CELA3A: variants seen among roughly 807,000 people sequenced by gnomAD.
CELA3A encodes the protein chymotrypsin like elastase 3A, also known as chymotrypsin-like elastase family member 3A.
Under a neutral mutation model 38.6 loss-of-function variants are expected in CELA3A, and 35 were observed. That is an observed-to-expected ratio of 0.91 (90% CI 0.69 to 1.20). The LOEUF (loss-of-function observed/expected upper bound fraction) is 1.20. Among genes scored for constraint, CELA3A ranks in the 50% most tolerant of loss-of-function variants. The pLI is 0.00. For synonymous variants in CELA3A, 143 were observed against 136.7 expected, an observed-to-expected ratio of 1.05 and a Z score of -0.32; for missense variants, 343 against 354.2, an observed-to-expected ratio of 0.97 and a Z score of 0.25.
In CELA3A at chr1:22,011,836, C is replaced by T. The variant is rs1275187610; in HGVS notation, c.796-614C>T. ...TTGGGAGGCCGAGGTGGGCAGATCA[C>T]GAGGTCAGGAGATTGAGACCATCCT... On this transcript the variant is annotated intron_variant, in intron 7 of 7. Coordinates refer to ENST00000290122, the MANE Select transcript of CELA3A (RefSeq NM_005747.5). 9.6e-5 allele frequency among the ~76,000 whole-genome samples: 12 copies of T among 124,874 alleles called. 3 individuals carry two copies. The highest frequency in any genetic ancestry group is 4.9e-4 in the South Asian group (2 of 4,058). 81.9% of individuals were successfully genotyped at this position (124,874 alleles called of 152,430 possible).
In CELA3A at chr1:22,007,392, C is replaced by G. The variant is rs1248236930; in HGVS notation, c.519C>G (p.Asp173Glu). The change falls in exon 6 of 8, where the codon GAC (aspartate) becomes GAG (glutamate). Residue 173 changes from aspartate (D) to glutamate (E), a missense_variant. Asp to Glu is a conservative substitution (Grantham distance 45). Transcript: ENST00000290122. The part of the protein sequence containing the change: ...GRLYTNGPLP[D>E]KLQQARLPVV... ...TTGCAGCCAATGGGCCACTCCCAGA[C>G]AAGCTGCAGCAGGCCCGGCTGCCCG... The G allele has an allele frequency of 6.2e-7, 1 of 1,611,850 alleles. No homozygotes were observed.
At chr1:22,007,240 G>A (rs1414691942) in intron 5 of CELA3A, 133 bp from the exon 6 acceptor site, 2 of 1,352,724 alleles carry the variant, frequency 1.5e-6, no homozygotes, top group Non-Finnish European at 2.0e-6. Context: ...CACAAAGCAT[G>A]CAGGACCATT....
Position 22,007,460 on chromosome 1 carries a change from C to T in CELA3A, c.587C>T (p.Ser196Phe), listed in dbSNP as rs868014817. ...KHCSRWNWWG[S>F]TVKKTMVCAG... ...TGCTCCAGGTGGAACTGGTGGGGTT[C>T]CACCGTGAAGAAAACCATGGTGTGT... Residue 196 changes from serine (S) to phenylalanine (F), a missense_variant, in exon 6 of 8, where the codon TCC becomes TTC. Physicochemically the swap from Ser to Phe is radical, Grantham distance 155. Transcript: ENST00000290122. 5 of 1,612,566 alleles carry T rather than the reference C, an allele frequency of 3.1e-6. No homozygotes were observed. The African/African-American group carries it at 4.0e-5, about 13-fold the overall frequency.
At chr1:22,003,538 A>G (rs976424695) in intron 2 of CELA3A, among the ~76,000 whole-genome samples, 7 of 150,792 alleles carry the variant, frequency 4.6e-5, no homozygotes, top group African/African-American at 1.7e-4. Flanking sequence ...AAATTAGGCC[A>G]GGTGCGGTGG....
Position 22,005,777 on chromosome 1 carries a change from C to A in CELA3A, c.343C>A (p.Arg115Ser). 1 of 1,611,668 alleles carries A rather than the reference C, an allele frequency of 6.2e-7. No homozygotes were observed. The highest frequency in any genetic ancestry group is 8.5e-7 in the Non-Finnish European group (1 of 1,179,512). ...GCTGTTTGTGCATCCACTCTGGAAC[C>A]GCTCGTGTGTGGCCTGTGGGTGAGT... is the stretch of plus-strand genomic sequence containing the variant. ...EELFVHPLWN[R>S]SCVACGNDIA... is the part of the protein sequence containing the mutation. The change falls in exon 4 of 8, where the codon CGC (arginine) becomes AGC (serine). Residue 115 changes from arginine to serine, a missense_variant. By Grantham distance (110) the Arg-to-Ser change is moderately radical (BLOSUM62 -1). Transcript: ENST00000290122.
chr1:22,005,778 G>A lies in CELA3A; in HGVS notation c.344G>A (p.Arg115His), dbSNP rs1249228840. 23 of 1,611,494 alleles carry A rather than the reference G, an allele frequency of 1.4e-5. No individual in the cohort carries two copies. Among genetic ancestry groups the A allele is most frequent in the Admixed American group, 8.3e-5 (5 of 59,960 alleles). The stretch of plus-strand genomic sequence containing the variant: ...CTGTTTGTGCATCCACTCTGGAACC[G>A]CTCGTGTGTGGCCTGTGGGTGAGTG... ...EELFVHPLWNRSCVACGNDIA... is the reference protein window; with the variant it reads ...EELFVHPLWNHSCVACGNDIA... Residue 115 changes from arginine to histidine, a missense_variant, in exon 4 of 8, where the codon CGC becomes CAC. By Grantham distance (29) the Arg-to-His change is conservative. Transcript: ENST00000290122.
At position 22,006,982 on chromosome 1, in the gene CELA3A, C is replaced by T. The variant is rs770464799; in HGVS notation, c.467C>T (p.Pro156Leu). The T allele has an allele frequency of 2.5e-6, 4 of 1,612,484 alleles. No homozygotes were observed. The highest frequency in any genetic ancestry group is 3.4e-6 in the Non-Finnish European group (4 of 1,179,474). ...PAGDILPNKT[P>L]CYITGWGRLY... ...GGTGACATCCTTCCCAACAAGACAC[C>T]CTGCTACATCACCGGCTGGGGCCGT... The change falls in exon 5 of 8, where the codon CCC (proline) becomes CTC (leucine). Residue 156 changes from proline (P) to leucine (L), a missense_variant. Coordinates refer to ENST00000290122, the MANE Select transcript of CELA3A (RefSeq NM_005747.5).
Position 22,012,164 on chromosome 1 carries a change from C to T in CELA3A, c.796-286C>T, listed in dbSNP as rs1557875407. On this transcript the variant is annotated intron_variant, in intron 7 of 7. Coordinates refer to ENST00000290122, the MANE Select transcript of CELA3A (RefSeq NM_005747.5). ...ATACACACAAATACGTATATATATA[C>T]ACACACACATATACACACACATGCA... Among the ~76,000 whole-genome samples, 2 of 128,060 alleles carry T rather than the reference C, an allele frequency of 1.6e-5. 1 individual carries two copies. Among genetic ancestry groups the T allele is most frequent in the Non-Finnish European group, 3.2e-5 (2 of 61,878 alleles). 84.0% of individuals were successfully genotyped at this position (128,060 alleles called of 152,430 possible). A position where few individuals can be genotyped will look rare whatever the true frequency, so the allele number is the denominator to read the frequency against.
chr1:22,002,590 G>C (rs1236703101), intron 1 of CELA3A: 4 of 456,130 alleles, frequency 8.8e-6, no homozygotes, highest in Non-Finnish European at 1.8e-5. Context: ...CGATCCTCCC[G>C]CCTCGGCCTC....
At chr1:22,005,404 G>A in intron 2 of CELA3A, 43 bp from the exon 3 acceptor site, 1 of 1,606,576 alleles carries the variant, frequency 6.2e-7, no homozygotes, top group Non-Finnish European at 8.5e-7. Flanking sequence ...AACTCTCATG[G>A]TGGGGCCCAG....
At chr1:22,007,544 G>C in intron 6 of CELA3A, 29 bp downstream of exon 6, 1 of 1,598,094 alleles carries the variant, frequency 6.3e-7, no homozygotes, top group Non-Finnish European at 8.5e-7. Flanking sequence ...GCCCGAGGTG[G>C]TGCTGGGTGT....
chr1:22,012,339 A>G (rs1165266783), intron 7 of CELA3A, 111 bp from the exon 8 acceptor site: 2 of 1,377,276 alleles, frequency 1.5e-6, no homozygotes, highest in East Asian at 3.1e-5. Context: ...AGAGAGGTCA[A>G]TCCCTCTCCC....
rs1337326927 is a variant in CELA3A at position 22,005,100 on chromosome 1, C to CA, written c.130-333dup. On this transcript the variant is annotated intron_variant, in intron 2 of 7. Transcript: ENST00000290122. ...GGGGAACAAGAGCAAAACTCCATCT[C>CA]AAAAAAAAAAAAAACTCACAGGGCG... is the stretch of plus-strand genomic sequence containing the variant. Among the ~76,000 whole-genome samples the CA allele has an allele frequency of 9.6e-3, 1,043 of 108,282 alleles. 25 individuals carry two copies. Among genetic ancestry groups the CA allele is most frequent in the African/African-American group, 0.024 (717 of 29,932 alleles). The allele number at this position is 108,282 out of a possible 152,430, so 71.0% of individuals were successfully genotyped here. A position where few individuals can be genotyped will look rare whatever the true frequency, so the allele number is the denominator to read the frequency against.
intron 5 of CELA3A, 28 bp downstream of exon 5, chr1:22,007,042 C>G: frequency 6.2e-7 from 1 of 1,608,662 alleles, no homozygotes. Context: ...TAGCTGGCCA[C>G]AGAGACAGTG....
chr1:22,006,644 GC>G, intron 4 of CELA3A, among the ~76,000 whole-genome samples: 1 of 150,454 alleles, frequency 6.6e-6, no homozygotes, highest in African/African-American at 2.5e-5. Context: ...GGATCCCTTG[GC>G]CCAGGAGGCT....
At chr1:22,008,377 T>C (rs59683042) in intron 6 of CELA3A, among the ~76,000 whole-genome samples, 6,626 of 150,654 alleles carry the variant, frequency 0.044, 525 homozygotes, top group African/African-American at 0.12. Context: ...TCTCTAACTC[T>C]TGGGCTCAAG....
chr1:22,011,411 A>C (rs1167449310), intron 7 of CELA3A, among the ~76,000 whole-genome samples: 3 of 133,978 alleles, frequency 2.2e-5, no homozygotes, highest in Non-Finnish European at 4.7e-5. Flanking sequence ...AAACAAAAAA[A>C]CAGTGATGAT....
In CELA3A at chr1:22,003,067, C is replaced by T. The variant is rs969396319; in HGVS notation, c.108C>T (p.Val36=). The T allele has an allele frequency of 8.2e-6, 13 of 1,576,316 alleles. 3 individuals carry two copies. The highest frequency in any genetic ancestry group is 1.7e-5 in the African/African-American group (1 of 59,766). ...SSRVVHGEDA[V]PYSWPWQVSL... ...GCGTTGTCCATGGTGAGGATGCGGT[C>T]CCCTACAGCTGGCCCTGGCAGGTAA... Residue 36 remains valine (V), a synonymous_variant, in exon 2 of 8, where the codon GTC becomes GTT. Transcript: ENST00000290122.
chr1:22,004,186 C>T (rs998089474), intron 2 of CELA3A, among the ~76,000 whole-genome samples: 18 of 148,952 alleles, frequency 1.2e-4, no homozygotes. Context: ...ATAATCCCAC[C>T]TCAGCCTCCT....
Sources: gnomAD v4.1 joint callset for allele counts (sites outside exome capture counted in the v4.1 genomes callset) on GRCh38, gnomAD v4.1.1 for gene constraint, MANE v1.5 for transcripts, NCBI Gene and HGNC (gene_info 2026-07-23, HGNC 2026-07-21) for gene names.